The following SLC26A11 variants were observed in gnomAD, a reference collection of about 807,000 sequenced individuals.
SLC26A11 encodes the protein sodium-independent sulfate anion transporter.
In SLC26A11, 58 loss-of-function variants were observed where a neutral mutation model predicts 62.2. That is an observed-to-expected ratio of 0.93 (90% CI 0.76 to 1.16). The LOEUF (loss-of-function observed/expected upper bound fraction) is 1.16, where lower values mean the gene tolerates loss of function less well. Among genes scored for constraint, SLC26A11 ranks in the 50% most tolerant of loss-of-function variants. The pLI is 0.00. For synonymous variants in SLC26A11, 411 were observed against 368.9 expected (o/e 1.11, Z -1.31); for missense variants, 790 against 794.3 (o/e 0.99, Z 0.06).
At chr17:80,231,519 C>T (rs11656810) in intron 7 of SLC26A11, among the ~76,000 whole-genome samples, 3,410 of 152,214 alleles carry the variant, frequency 0.022, 47 homozygotes, top group Non-Finnish European at 0.037. Flanking sequence ...GACCTTTCTT[C>T]TTTTCTAATA....
rs550630465 is a variant in SLC26A11, at chr17:80,252,387, G to A, written c.1730-238G>A. Among the ~76,000 whole-genome samples, 4 of 152,288 alleles carry A rather than the reference G, an allele frequency of 2.6e-5. No individual in the cohort carries two copies. The South Asian group carries it at 8.3e-4, about 32-fold the overall frequency. On this transcript the variant is annotated intron_variant, in intron 17 of 17. Transcript: ENST00000361193. This position sits in a 1 kb window ranked among gnomAD's most constrained non-coding sequence, Gnocchi z 5.2. Reference sequence around the variant, plus strand: ...TGGATAAGCAGAATGTGGCCTGGCCGTGGGATGGGAGGGTACCCTGGAGCA... The same window carrying A: ...TGGATAAGCAGAATGTGGCCTGGCCATGGGATGGGAGGGTACCCTGGAGCA...
At chr17:80,248,769 G>A (rs2043080837) in intron 15 of SLC26A11, 95 bp downstream of exon 15, 5 of 1,174,068 alleles carry the variant, frequency 4.3e-6, no homozygotes, top group Admixed American at 2.1e-5. Context: ...TGTCCCCAAC[G>A]CTCTCCAGTC....
At position 80,223,444 on chromosome 17, in the gene SLC26A11, G is replaced by A. The variant is rs557020714; in HGVS notation, c.513+107G>A. ...GTCCTGATCCCTGTGGCCAGTGGAC[G>A]TCTTGCTGTTTCAGATTGTCTTCCA... On this transcript the variant is annotated intron_variant, in intron 5 of 17. Coordinates refer to ENST00000361193, the MANE Select transcript of SLC26A11 (RefSeq NM_001166347.2). This position sits in a 1 kb window ranked among gnomAD's most constrained non-coding sequence, Gnocchi z 4.6. The A allele has an allele frequency of 5.0e-5, 52 of 1,036,536 alleles. No homozygotes were observed. Among genetic ancestry groups the A allele is most frequent in the African/African-American group, 9.5e-5 (6 of 63,060 alleles). 64.2% of individuals were successfully genotyped at this position (1,036,536 alleles called of 1,614,324 possible).
rs1276063968 is a variant in SLC26A11 at position 80,238,811 on chromosome 17, G to GTTTTTTT, written c.985+1219_985+1225dup. The stretch of plus-strand genomic sequence containing the variant: ...TCTAACCCTTACCCCCTTCAAAGGA[G>GTTTTTTT]TTTTTTTTGTTTTTTGTTTTTTTTT... On this transcript the variant is annotated intron_variant, in intron 9 of 17. Transcript: ENST00000361193. 1.5e-3 allele frequency among the ~76,000 whole-genome samples: 181 copies of GTTTTTTT among 123,248 alleles called. 20 individuals carry two copies. The highest frequency in any genetic ancestry group is 5.8e-3 in the African/African-American group (170 of 29,220). The allele number at this position is 123,248 out of a possible 152,430, so 80.9% of individuals were successfully genotyped here.
At chr17:80,242,453 T>C (rs1439822629) in intron 10 of SLC26A11, among the ~76,000 whole-genome samples, 1 of 152,128 alleles carries the variant, frequency 6.6e-6, no homozygotes, top group Non-Finnish European at 1.5e-5. Flanking sequence ...ATGTCCCACC[T>C]CGGGGAGGGA....
rs972554378 is a variant in SLC26A11 at position 80,222,348 on chromosome 17, C to A, written c.235-307C>A. ...CCGAGACTGTGCCACTGCCCTCCAG[C>A]CTGGGCGACAGAGCGAGACTCCATC... On this transcript the variant is annotated intron_variant, in intron 3 of 17. Transcript: ENST00000361193. The surrounding 1 kb of genome is among the most constrained non-coding windows in gnomAD (Gnocchi z 4.7). The A allele has an allele frequency of 1.9e-4, 51 of 270,646 alleles. No homozygotes were observed. The South Asian group carries it at 2.5e-3, about 13-fold the overall frequency. 16.8% of individuals were successfully genotyped at this position (270,646 alleles called of 1,614,324 possible).
chr17:80,246,031 C>A lies in SLC26A11; in HGVS notation c.1098-123C>A. 8.2e-7 allele frequency: 1 copy of A among 1,215,120 alleles called. No homozygotes were observed. Among genetic ancestry groups the A allele is most frequent in the African/African-American group, 1.5e-5 (1 of 67,592 alleles). 75.3% of individuals were successfully genotyped at this position (1,215,120 alleles called of 1,614,324 possible). A position where few individuals can be genotyped will look rare whatever the true frequency, so the allele number is the denominator to read the frequency against. On this transcript the variant is annotated intron_variant, in intron 11 of 17. Transcript: ENST00000361193. The surrounding 1 kb of genome is among the most constrained non-coding windows in gnomAD (Gnocchi z 4.4). ...CTTTGCCTCGGTCCCCTTGCAGTCC[C>A]CGCCTGCTTCCCAAGCCGTGCTGGG...
At chr17:80,249,956 G>A (rs73432159) in intron 16 of SLC26A11, among the ~76,000 whole-genome samples, 48 of 152,218 alleles carry the variant, frequency 3.2e-4, no homozygotes, top group Non-Finnish European at 3.7e-4. Context: ...CATGAAAAAC[G>A]TATTGTCAGG....
At chr17:80,250,141 C>G (rs1279985771) in intron 16 of SLC26A11, among the ~76,000 whole-genome samples, 1 of 152,068 alleles carries the variant, frequency 6.6e-6, no homozygotes, top group Non-Finnish European at 1.5e-5. Context: ...GCAGGGGTCT[C>G]TGTTGCTGTG....
chr17:80,224,297 G>A (rs1306411096), intron 5 of SLC26A11, among the ~76,000 whole-genome samples: 9 of 138,988 alleles, frequency 6.5e-5, no homozygotes, highest in Admixed American at 6.1e-4. Flanking sequence ...GAGTGAGTGT[G>A]CGTGTGTGTG....
chr17:80,227,951 G>T lies in SLC26A11; in HGVS notation c.727G>T (p.Ala243Ser). The change falls in exon 7 of 18, where the codon GCC (alanine) becomes TCC (serine). Residue 243 changes from alanine (A) to serine (S), a missense_variant. Ala to Ser is a moderately conservative substitution (Grantham distance 99). Coordinates refer to ENST00000361193, the MANE Select transcript of SLC26A11 (RefSeq NM_001166347.2). Reference protein sequence around the residue: ...VRLSRGLVWAATTARNALVVS... With the variant: ...VRLSRGLVWASTTARNALVVS... ...GCTCAGCCGTGGGCTGGTCTGGGCT[G>T]CCACGACAGGTGAGGGGCCTCTGGC... is the stretch of plus-strand genomic sequence containing the variant. 1.2e-6 allele frequency: 2 copies of T among 1,600,070 alleles called. No homozygotes were observed. The highest frequency in any genetic ancestry group is 1.1e-5 in the South Asian group (1 of 91,030).
At chr17:80,226,596 G>A (rs989525168) in intron 6 of SLC26A11, among the ~76,000 whole-genome samples, 1 of 152,196 alleles carries the variant, frequency 6.6e-6, no homozygotes, top group Non-Finnish European at 1.5e-5. Context: ...AGCTGTTCAG[G>A]AGGCTGAGGC....
chr17:80,241,901 T>A, intron 10 of SLC26A11, 80 bp downstream of exon 10: 1 of 1,447,478 alleles, frequency 6.9e-7, no homozygotes, highest in Non-Finnish European at 9.7e-7. Context: ...GTCTCCTGCA[T>A]TGTAGGAAGA....
chr17:80,227,765 A>G, intron 6 of SLC26A11, 53 bp from the exon 7 acceptor site: 1 of 1,577,944 alleles, frequency 6.3e-7, no homozygotes, highest in Admixed American at 1.7e-5. Flanking sequence ...TGCTTGAGTC[A>G]GCAGTAGGCC....
In SLC26A11 at chr17:80,236,948, T is replaced by C. The variant is rs2042710273; in HGVS notation, c.757T>C (p.Ser253Pro). ...ATTARNALVV[S>P]FAALVAYSFE... ...CCTAGCTCGCAACGCCCTGGTGGTCTCCTTCGCAGCCCTGGTTGCGTACTC... is the reference window on the plus strand; with the variant it reads ...CCTAGCTCGCAACGCCCTGGTGGTCCCCTTCGCAGCCCTGGTTGCGTACTC... Residue 253 changes from serine (S) to proline (P), a missense_variant, in exon 8 of 18, where the codon TCC (serine) becomes CCC (proline). By Grantham distance (74) the Ser-to-Pro change is moderately conservative (BLOSUM62 -1). Coordinates refer to ENST00000361193, the MANE Select transcript of SLC26A11 (RefSeq NM_001166347.2). 2 of 1,613,124 alleles carry C rather than the reference T, an allele frequency of 1.2e-6. No individual in the cohort carries two copies. The highest frequency in any genetic ancestry group is 1.7e-6 in the Non-Finnish European group (2 of 1,179,230).
intron 6 of SLC26A11, 30 bp from the exon 7 acceptor site, chr17:80,227,788 G>T: frequency 6.3e-7 from 1 of 1,599,178 alleles, no homozygotes; most frequent in Non-Finnish European, 8.5e-7. Context: ...GGCCGAGCTG[G>T]GTGGTGACCA....
At chr17:80,250,077 T>C (rs2043118189) in intron 16 of SLC26A11, among the ~76,000 whole-genome samples, 1 of 152,168 alleles carries the variant, frequency 6.6e-6, no homozygotes, top group Non-Finnish European at 1.5e-5. Context: ...CCTAGGAGCC[T>C]TCTGAGCACT....
rs754101916 is a variant in SLC26A11 at position 80,248,689 on chromosome 17, G to A, written c.1522+15G>A. 2 of 1,556,222 alleles carry A rather than the reference G, an allele frequency of 1.3e-6. No homozygotes were observed. Among genetic ancestry groups the A allele is most frequent in the South Asian group, 2.4e-5 (2 of 84,426 alleles). ...GGCCCTGGAAGGTGCATGGGCGGGG[G>A]TCAAGGTGGTCTGAGGTCACTCCCC... On this transcript the variant is annotated intron_variant, in intron 15 of 17. Coordinates refer to ENST00000361193, the MANE Select transcript of SLC26A11 (RefSeq NM_001166347.2).
chr17:80,234,362 T>C (rs1170585665), intron 7 of SLC26A11, among the ~76,000 whole-genome samples: 2 of 152,254 alleles, frequency 1.3e-5, no homozygotes, highest in Non-Finnish European at 2.9e-5. Flanking sequence ...TCAAGAAGTG[T>C]GCTGTCATTC....
Sources: gnomAD v4.1 joint callset for allele counts (sites outside exome capture counted in the v4.1 genomes callset) on GRCh38, gnomAD v4.1.1 for gene constraint, Gnocchi (gnomAD v3.1) non-coding constraint, MANE v1.5 for transcripts, NCBI Gene and HGNC (gene_info 2026-07-23, HGNC 2026-07-21) for gene names.